SFMBT2: variants seen among roughly 807,000 people sequenced by gnomAD.
SFMBT2 encodes the protein Scm like with four mbt domains 2.
SFMBT2 carries 38 observed loss-of-function variants against 110.1 expected under a neutral mutation model. That is an observed-to-expected ratio of 0.35 (90% CI 0.27 to 0.45). The LOEUF is 0.45. Among genes scored for constraint, SFMBT2 ranks in the 20% least tolerant of loss-of-function variants. The probability of loss-of-function intolerance (pLI) is 1.00; values close to 1 mark genes in which losing one functional copy is unlikely to be tolerated. For synonymous variants in SFMBT2, 425 were observed against 425.4 expected, an observed-to-expected ratio of 1.00 and a Z score of 0.01; for missense variants, 1,011 against 1,094.9, an observed-to-expected ratio of 0.92 and a Z score of 1.08.
At chr10:7,361,296 A>T (rs1269335479) in intron 4 of SFMBT2, among the ~76,000 whole-genome samples, 1 of 152,234 alleles carries the variant, frequency 6.6e-6, no homozygotes, top group Non-Finnish European at 1.5e-5. Context: ...TACATTATAA[A>T]ATATAAATTT....
At chr10:7,272,098 A>C (rs1369663541) in intron 7 of SFMBT2, among the ~76,000 whole-genome samples, 1 of 152,178 alleles carries the variant, frequency 6.6e-6, no homozygotes, top group Non-Finnish European at 1.5e-5. Flanking sequence ...GGAGCGAGTG[A>C]AAAATCTCCC....
intron 4 of SFMBT2, among the ~76,000 whole-genome samples, chr10:7,315,088 GAAAGAAAGAAAGAAAGAAAGAAAAAGCA>G (rs1842967255): frequency 2.1e-5 from 3 of 145,638 alleles, no homozygotes; most frequent in Non-Finnish European, 4.6e-5. Flanking sequence ...AAGAAAGAAA[GAAAGAAAGAAAGAAAGAAAGAAAAAGCA>G]AGCAAGCAAG....
At chr10:7,365,873 C>T (rs1844878541) in intron 4 of SFMBT2, among the ~76,000 whole-genome samples, 1 of 152,084 alleles carries the variant, frequency 6.6e-6, no homozygotes, top group Non-Finnish European at 1.5e-5. Flanking sequence ...AAGAAATGTT[C>T]TGGAATTATA....
At chr10:7,406,058 A>G (rs1217627383) in intron 1 of SFMBT2, among the ~76,000 whole-genome samples, 1 of 151,924 alleles carries the variant, frequency 6.6e-6, no homozygotes, top group Non-Finnish European at 1.5e-5. Context: ...ACAGGTCCCA[A>G]TGCCATTTTG....
At position 7,408,575 on chromosome 10, in the gene SFMBT2, G is replaced by T. The variant is rs1013466710; in HGVS notation, c.-52+2286C>A. 9.1e-4 allele frequency among the ~76,000 whole-genome samples: 138 copies of T among 152,242 alleles called. No individual in the cohort carries two copies. Among genetic ancestry groups the T allele is most frequent in the African/African-American group, 3.3e-3 (136 of 41,544 alleles). On this transcript the variant is annotated intron_variant, in intron 1 of 20. Transcript: ENST00000397167. The surrounding 1 kb of genome is among the most constrained non-coding windows in gnomAD (Gnocchi z 5.7). ...CCCACCTGCCCCCGCCAGCCCCGGG[G>T]ACCGTGCGCGGCCTCCGTGTGGCCC...
intron 16 of SFMBT2, chr10:7,176,454 G>A (rs147688913): frequency 4.9e-5 from 48 of 983,028 alleles, no homozygotes; most frequent in African/African-American, 3.0e-4. Context: ...AAAGATGAGC[G>A]GTGCGGGATA....
At chr10:7,366,170 T>A (rs1300916072) in intron 4 of SFMBT2, among the ~76,000 whole-genome samples, 1 of 151,986 alleles carries the variant, frequency 6.6e-6, no homozygotes, top group African/African-American at 2.4e-5. Flanking sequence ...GTTCTCAGCA[T>A]AGGAAAGAGC....
At chr10:7,175,013 C>T (rs1160741670) in intron 17 of SFMBT2, among the ~76,000 whole-genome samples, 1 of 152,232 alleles carries the variant, frequency 6.6e-6, no homozygotes, top group African/African-American at 2.4e-5. Flanking sequence ...GAAAGTCACA[C>T]TCTGCACAGC....
chr10:7,209,327 C>T (rs2762597), intron 11 of SFMBT2, among the ~76,000 whole-genome samples: 27,339 of 152,188 alleles, frequency 0.18, 2,591 homozygotes, highest in Middle Eastern at 0.25. Context: ...GGCCTTTTGG[C>T]TAAGATCAAG....
chr10:7,185,865 C>T (rs1838386568), intron 16 of SFMBT2, among the ~76,000 whole-genome samples: 1 of 151,656 alleles, frequency 6.6e-6, no homozygotes, highest in African/African-American at 2.4e-5. Context: ...TAGCCTAATT[C>T]CTCCTCCTGT....
Position 7,377,096 on chromosome 10 carries a change from G to C in SFMBT2, c.100+4703C>G, listed in dbSNP as rs549873056. 2.2e-4 allele frequency among the ~76,000 whole-genome samples: 31 copies of C among 143,850 alleles called. No individual in the cohort carries two copies. In the South Asian group the frequency reaches 5.5e-3, roughly 26 times the overall value. 94.4% of individuals were successfully genotyped at this position (143,850 alleles called of 152,430 possible). A position where few individuals can be genotyped will look rare whatever the true frequency, so the allele number is the denominator to read the frequency against. ...AGGCAGGAGGATCACTTGAACCAGG[G>C]AGTCAGAGGTTGCAGTGAGCCGAGA... On this transcript the variant is annotated intron_variant, in intron 2 of 20. Transcript: ENST00000397167.
chr10:7,381,890 G>A lies in SFMBT2; in HGVS notation c.9C>T (p.Ser3=), dbSNP rs764433303. The change falls in exon 2 of 21, where the codon AGC becomes AGT. Residue 3 remains serine (S), a synonymous_variant. Transcript: ENST00000397167. The part of the protein sequence containing the change: ME[S]TLSASNMQDP... ...CTTGCATATTGGAAGCTGACAAAGT[G>A]CTCTCCATGCCTGATGAGCAAGTGT... 4 of 1,608,136 alleles carry A rather than the reference G, an allele frequency of 2.5e-6. No homozygotes were observed. Among genetic ancestry groups the A allele is most frequent in the Non-Finnish European group, 3.4e-6 (4 of 1,176,108 alleles).
At chr10:7,363,943 G>A (rs186808954) in intron 4 of SFMBT2, among the ~76,000 whole-genome samples, 11 of 152,026 alleles carry the variant, frequency 7.2e-5, no homozygotes, top group Admixed American at 5.9e-4. Context: ...CATATTCTGC[G>A]GTGCCTTTCA....
At chr10:7,204,830 G>A (rs527759150) in intron 12 of SFMBT2, 104 of 491,160 alleles carry the variant, frequency 2.1e-4, no homozygotes, top group African/African-American at 8.0e-4. Context: ...CCGAGATAGC[G>A]CCATTGCACT....
chr10:7,348,237 G>A lies in SFMBT2; in HGVS notation c.436+19412C>T, dbSNP rs553086964. ...TGGGAGAGGTTCGTGTGGGATCGGG[G>A]AGTTGTTTCATTTCGTGACGGTCTC... On this transcript the variant is annotated intron_variant, in intron 4 of 20. Coordinates refer to ENST00000397167, the MANE Select transcript of SFMBT2 (RefSeq NM_001387889.1). 2.0e-6 allele frequency: 3 copies of A among 1,465,580 alleles called. No individual in the cohort carries two copies. The South Asian group carries it at 4.1e-5, about 20-fold the overall frequency. 90.8% of individuals were successfully genotyped at this position (1,465,580 alleles called of 1,614,324 possible). A position where few individuals can be genotyped will look rare whatever the true frequency, so the allele number is the denominator to read the frequency against.
At position 7,368,022 on chromosome 10, in the gene SFMBT2, C is replaced by T; in HGVS notation, c.196-133G>A. 5 of 1,282,538 alleles carry T rather than the reference C, an allele frequency of 3.9e-6. No homozygotes were observed. The South Asian group carries it at 7.8e-5, about 20-fold the overall frequency. 79.4% of individuals were successfully genotyped at this position (1,282,538 alleles called of 1,614,324 possible). On this transcript the variant is annotated intron_variant, in intron 3 of 20. Coordinates refer to ENST00000397167, the MANE Select transcript of SFMBT2 (RefSeq NM_001387889.1). ...TGCTCTAAAACAGGCATGTATTTAT[C>T]TAAGTAATACACTATGGAAGCCACA...
Position 7,408,025 on chromosome 10 carries a change from GT to G in SFMBT2, c.-52+2835del, listed in dbSNP as rs1283915944. ...GGGCCCTTCGAGAACCCTGTGGAAT[GT>G]TCTTTGTAATCAACTGTACATCCGC... On this transcript the variant is annotated intron_variant, in intron 1 of 20. Transcript: ENST00000397167. The surrounding 1 kb of genome is among the most constrained non-coding windows in gnomAD (Gnocchi z 5.7). Among the ~76,000 whole-genome samples the G allele has an allele frequency of 9.9e-5, 15 of 152,260 alleles. No individual in the cohort carries two copies. Among genetic ancestry groups the G allele is most frequent in the Non-Finnish European group, 1.8e-4 (12 of 68,044 alleles).
chr10:7,404,968 A>G (rs1194388073), intron 1 of SFMBT2, among the ~76,000 whole-genome samples: 1 of 152,208 alleles, frequency 6.6e-6, no homozygotes, highest in Non-Finnish European at 1.5e-5. Flanking sequence ...CTTCCTTACA[A>G]TACAGTCTTA....
At chr10:7,349,444 T>TC (rs58468583) in intron 4 of SFMBT2, among the ~76,000 whole-genome samples, 8 of 101,970 alleles carry the variant, frequency 7.8e-5, no homozygotes, top group Admixed American at 9.9e-5. Flanking sequence ...TCTTTTCTTT[T>TC]TTTTTTTTTT....
Sources: gnomAD v4.1 joint callset for allele counts (sites outside exome capture counted in the v4.1 genomes callset) on GRCh38, gnomAD v4.1.1 for gene constraint, Gnocchi (gnomAD v3.1) non-coding constraint, MANE v1.5 for transcripts, NCBI Gene and HGNC (gene_info 2026-07-23, HGNC 2026-07-21) for gene names.